ZNF142: variants seen among roughly 807,000 people sequenced by gnomAD.
The protein encoded by ZNF142 is zinc finger protein 142.
ZNF142 carries 96 observed loss-of-function variants against 132.1 expected under a neutral mutation model. The ratio of observed to expected loss-of-function variants is 0.73; its 90% CI spans 0.62 to 0.86. ZNF142 has a LOEUF of 0.86. Among genes scored for constraint, ZNF142 ranks in the 40% least tolerant of loss-of-function variants. ZNF142 has a pLI of 0.00. For missense variants in ZNF142, 2,163 were observed against 2,336.2 expected, an observed-to-expected ratio of 0.93 and a Z score of 1.53; for synonymous variants, 842 against 890.1, an observed-to-expected ratio of 0.95 and a Z score of 0.96.
Position 218,642,948 on chromosome 2 carries a change from G to T in ZNF142, c.4168C>A (p.Arg1390=). Residue 1390 remains arginine, a synonymous_variant, in exon 9 of 11, where the codon CGG becomes AGG. Transcript: ENST00000411696. This position sits in a 1 kb window ranked among gnomAD's most constrained non-coding sequence, Gnocchi z 4.6. ...CKQSRCMQQH[R]RLKHEGVKPH... The stretch of plus-strand genomic sequence containing the variant: ...TTCACCCCCTCGTGCTTGAGCCGCC[G>T]GTGCTGCTGCATGCAACGGCTCTGT... The T allele has an allele frequency of 5.6e-6, 9 of 1,613,698 alleles. No homozygotes were observed. The highest frequency in any genetic ancestry group is 7.6e-6 in the Non-Finnish European group (9 of 1,179,940).
chr2:218,651,221 A>C (rs1937957855), intron 5 of ZNF142, among the ~76,000 whole-genome samples: 1 of 152,132 alleles, frequency 6.6e-6, no homozygotes, highest in Non-Finnish European at 1.5e-5. Context: ...GGCTCAAGGG[A>C]TCCATCCACC....
Position 218,641,376 on chromosome 2 carries a change from C to T in ZNF142, c.5089-607G>A, listed in dbSNP as rs554555030. The stretch of plus-strand genomic sequence containing the variant: ...ATTCACCTGCCTCAGCCTCGAGTAG[C>T]TGGGACTACAGGTGCCCGCCACCAC... On this transcript the variant is annotated intron_variant, in intron 9 of 10. Transcript: ENST00000411696. Among the ~76,000 whole-genome samples, 446 of 151,722 alleles carry T rather than the reference C, an allele frequency of 2.9e-3. 2 individuals are homozygous for T. Among genetic ancestry groups the T allele is most frequent in the African/African-American group, 0.01 (429 of 41,328 alleles).
chr2:218,646,890 G>C (rs889752342), intron 7 of ZNF142, among the ~76,000 whole-genome samples: 5 of 151,588 alleles, frequency 3.3e-5, no homozygotes, highest in African/African-American at 4.8e-5. Context: ...CCCACCCCAA[G>C]CTTTTCAAAA....
At position 218,658,275 on chromosome 2, in the gene ZNF142, C is replaced by G. The variant is rs1456761397; in HGVS notation, c.-35+426G>C. Among the ~76,000 whole-genome samples, 3 of 152,208 alleles carry G rather than the reference C, an allele frequency of 2.0e-5. No individual in the cohort carries two copies. The East Asian group carries it at 5.8e-4, about 29-fold the overall frequency. On this transcript the variant is annotated intron_variant, in intron 3 of 10. Transcript: ENST00000411696. ...AGAAACCAGGCCGGGCGCGGTGGCT[C>G]AGGCCTGTAATCCCAGCACTTTGGG...
chr2:218,643,457 C>A lies in ZNF142; in HGVS notation c.3659G>T (p.Arg1220Leu). ...GCAGTGAAACTTGCCCTGCTCAAAG[C>A]GGTGCTTCTTCAGGGCCTCTGTGGG... is the stretch of plus-strand genomic sequence containing the variant. ...SSPTEALKKH[R>L]FEQGKFHCNS... The change falls in exon 9 of 11, where the codon CGC becomes CTC. Residue 1220 changes from arginine to leucine, a missense_variant. Physicochemically the swap from Arg to Leu is moderately radical, Grantham distance 102. This residue lies in a region of ZNF142 where 809 missense variants were observed against 801.7 expected (regional missense o/e 1.01). Transcript: ENST00000411696. The A allele has an allele frequency of 6.2e-7, 1 of 1,614,156 alleles. No individual in the cohort carries two copies. The highest frequency in any genetic ancestry group is 1.1e-5 in the South Asian group (1 of 91,076).
rs1697554972 is a variant in ZNF142, at chr2:218,644,480, A to G, written c.2636T>C (p.Leu879Pro). The G allele has an allele frequency of 1.2e-6, 2 of 1,613,858 alleles. No individual in the cohort carries two copies. The highest frequency in any genetic ancestry group is 8.5e-7 in the Non-Finnish European group (1 of 1,180,018). The change falls in exon 9 of 11, where the codon CTG becomes CCG. Residue 879 changes from leucine (L) to proline (P), a missense_variant. By Grantham distance (98) the Leu-to-Pro change is moderately conservative. Around this residue, in one of 7 missense-constraint regions of ZNF142, gnomAD observed 749 missense variants for 830.3 expected, o/e 0.90. Coordinates refer to ENST00000411696, the MANE Select transcript of ZNF142 (RefSeq NM_001379659.1). This position sits in a 1 kb window ranked among gnomAD's most constrained non-coding sequence, Gnocchi z 4.6. The stretch of plus-strand genomic sequence containing the variant: ...CTCTGCTGGGCTGGGACTGCCACCC[A>G]GGTCACCCCCATGGGGAGCCTCACT... The part of the protein sequence containing the change: ...EGSEAPHGGD[L>P]GGSPSPAEVE...
Position 218,644,619 on chromosome 2 carries a change from G to A in ZNF142, c.2497C>T (p.Leu833=). ...PPPDSEPSNQ[L]SARPEGPGHE... is the part of the protein sequence containing the mutation. ...CCTGGCCCCTCAGGTCGGGCTGACA[G>A]CTGGTTTGAGGGCTCTGAATCTGGT... The change falls in exon 9 of 11, where the codon CTG becomes TTG. Residue 833 remains leucine, a synonymous_variant. Coordinates refer to ENST00000411696, the MANE Select transcript of ZNF142 (RefSeq NM_001379659.1). This position sits in a 1 kb window ranked among gnomAD's most constrained non-coding sequence, Gnocchi z 4.6. 1 of 1,614,228 alleles carries A rather than the reference G, an allele frequency of 6.2e-7. No individual in the cohort carries two copies. Among genetic ancestry groups the A allele is most frequent in the Non-Finnish European group, 8.5e-7 (1 of 1,180,038 alleles).
chr2:218,639,020 G>T (rs975829706), intron 10 of ZNF142, among the ~76,000 whole-genome samples: 6 of 152,210 alleles, frequency 3.9e-5, no homozygotes, highest in Non-Finnish European at 7.3e-5. Flanking sequence ...TGCCCAGGCT[G>T]GAGTGCAATG....
In ZNF142 at chr2:218,636,073, C is replaced by T; in HGVS notation, c.*2266G>A. 6.9e-7 allele frequency: 1 copy of T among 1,447,590 alleles called. No homozygotes were observed. The highest frequency in any genetic ancestry group is 9.4e-7 in the Non-Finnish European group (1 of 1,062,018). 89.7% of individuals were successfully genotyped at this position (1,447,590 alleles called of 1,614,324 possible). On this transcript the variant is annotated 3_prime_UTR_variant, in exon 11 of 11. Coordinates refer to ENST00000411696, the MANE Select transcript of ZNF142 (RefSeq NM_001379659.1). ...TGGAACAGTACAAAGAATCCTGGCT[C>T]TTCACTTAAAAGCTCCAGTGACCTG...
intron 4 of ZNF142, among the ~76,000 whole-genome samples, chr2:218,653,596 G>C (rs1938221309): frequency 6.6e-6 from 1 of 151,030 alleles, no homozygotes; most frequent in African/African-American, 2.4e-5. Context: ...AAAAATTTCA[G>C]TGCAACATCT....
chr2:218,656,882 A>C (rs1176648988), intron 3 of ZNF142, among the ~76,000 whole-genome samples: 1 of 145,002 alleles, frequency 6.9e-6, no homozygotes, highest in East Asian at 2.0e-4. Flanking sequence ...CAGTGGCGTG[A>C]TCTTGGCTCA....
In ZNF142 at chr2:218,638,170, T is replaced by G. The variant is rs1426960832; in HGVS notation, c.*169A>C. On this transcript the variant is annotated 3_prime_UTR_variant, in exon 11 of 11. Coordinates refer to ENST00000411696, the MANE Select transcript of ZNF142 (RefSeq NM_001379659.1). ...TTATAGTCCATGTCCCTCTTTTATA[T>G]GGGTGATAATTTCAAAGTACTATAG... is the stretch of plus-strand genomic sequence containing the variant. 1 of 518,838 alleles carries G rather than the reference T, an allele frequency of 1.9e-6. No individual in the cohort carries two copies. The highest frequency in any genetic ancestry group is 2.0e-5 in the African/African-American group (1 of 50,962). The allele number at this position is 518,838 out of a possible 1,614,324, so 32.1% of individuals were successfully genotyped here.
In ZNF142 at chr2:218,636,004, A is replaced by G; in HGVS notation, c.*2335T>C. On this transcript the variant is annotated 3_prime_UTR_variant, in exon 11 of 11. Transcript: ENST00000411696. ...TTTTCCTTCTAGTCTGTCTTCCATT[A>G]AGTATAGCATCTGTTATTGCATGTC... 1 of 1,603,568 alleles carries G rather than the reference A, an allele frequency of 6.2e-7. No individual in the cohort carries two copies. The highest frequency in any genetic ancestry group is 1.1e-5 in the South Asian group (1 of 89,664).
chr2:218,636,596 A>C lies in ZNF142; in HGVS notation c.*1743T>G. The stretch of plus-strand genomic sequence containing the variant: ...GTCCTGAGGTGGGCATTTCACGGGA[A>C]GGGTTGGTGTGCTGGCTTTAGACGG... On this transcript the variant is annotated 3_prime_UTR_variant, in exon 11 of 11. Coordinates refer to ENST00000411696, the MANE Select transcript of ZNF142 (RefSeq NM_001379659.1). 6.2e-7 allele frequency: 1 copy of C among 1,609,878 alleles called. No homozygotes were observed. Among genetic ancestry groups the C allele is most frequent in the Non-Finnish European group, 8.5e-7 (1 of 1,176,430 alleles).
intron 7 of ZNF142, 124 bp downstream of exon 7, chr2:218,648,511 T>A (rs1433910780): frequency 6.6e-6 from 6 of 914,368 alleles, no homozygotes; most frequent in Middle Eastern, 3.2e-4. Context: ...ATTTGTAAAC[T>A]TGGAATGCTA....
chr2:218,634,144 G>C lies in ZNF142; in HGVS notation c.*4195C>G. The C allele has an allele frequency of 1.2e-6, 2 of 1,612,582 alleles. No individual in the cohort carries two copies. Among genetic ancestry groups the C allele is most frequent in the Non-Finnish European group, 1.7e-6 (2 of 1,179,324 alleles). ...CAGCACAATACTTGGCAGTTAAGCC[G>C]TGTGTATCCCAGCGGCCTGAGGACA... On this transcript the variant is annotated 3_prime_UTR_variant, in exon 11 of 11. Transcript: ENST00000411696. The surrounding 1 kb of genome is among the most constrained non-coding windows in gnomAD (Gnocchi z 4.0).
Position 218,649,168 on chromosome 2 carries a change from T to C in ZNF142, c.1340A>G (p.Asn447Ser). The change falls in exon 7 of 11, where the codon AAC (asparagine) becomes AGC (serine). Residue 447 changes from asparagine (N) to serine (S), a missense_variant. Asn to Ser is a conservative substitution (Grantham distance 46). Transcript: ENST00000411696. ...ACAGGCATAGGTGTCTGAGTAGAAG[T>C]TGGAAATATCTTCATGCATGCTGGC... ...HMASMHEDIS[N>S]FYSDTYACPV... is the part of the protein sequence containing the mutation. The C allele has an allele frequency of 1.2e-6, 2 of 1,614,170 alleles. No homozygotes were observed. The highest frequency in any genetic ancestry group is 4.5e-5 in the East Asian group (2 of 44,882).
At position 218,656,376 on chromosome 2, in the gene ZNF142, A is replaced by G. The variant is rs775795948; in HGVS notation, c.54T>C (p.Asp18=). The G allele has an allele frequency of 3.3e-6, 5 of 1,495,106 alleles. No homozygotes were observed. The South Asian group carries it at 5.6e-5, about 17-fold the overall frequency. 92.6% of individuals were successfully genotyped at this position (1,495,106 alleles called of 1,614,324 possible). A position where few individuals can be genotyped will look rare whatever the true frequency, so the allele number is the denominator to read the frequency against. The change falls in exon 4 of 11, where the codon GAT becomes GAC. Residue 18 remains aspartate, a synonymous_variant. Transcript: ENST00000411696. ...SQPASSTGEM[D]GLCPELLLIP... Reference sequence around the variant, plus strand: ...TCAGCAATAGCTCAGGGCACAGTCCATCCATCTCCCCGGTGCTACTGGCTG... The same window carrying G: ...TCAGCAATAGCTCAGGGCACAGTCCGTCCATCTCCCCGGTGCTACTGGCTG...
chr2:218,636,172 A>G lies in ZNF142; in HGVS notation c.*2167T>C. 1 of 1,520,300 alleles carries G rather than the reference A, an allele frequency of 6.6e-7. No individual in the cohort carries two copies. The highest frequency in any genetic ancestry group is 9.1e-7 in the Non-Finnish European group (1 of 1,100,204). 94.2% of individuals were successfully genotyped at this position (1,520,300 alleles called of 1,614,324 possible). Reference sequence around the variant, plus strand: ...TGATTGCCATCTAGATTAAATGAGAACACAAGAAAAGCAACCCAGTCAAGA... The same window carrying G: ...TGATTGCCATCTAGATTAAATGAGAGCACAAGAAAAGCAACCCAGTCAAGA... On this transcript the variant is annotated 3_prime_UTR_variant, in exon 11 of 11. Coordinates refer to ENST00000411696, the MANE Select transcript of ZNF142 (RefSeq NM_001379659.1).
Sources: allele counts gnomAD v4.1 joint callset (sites outside exome capture counted in the v4.1 genomes callset), GRCh38; gene constraint gnomAD v4.1.1; regional missense constraint gnomAD v4.1.1; non-coding constraint Gnocchi (gnomAD v3.1); transcripts MANE v1.5; gene names NCBI Gene and HGNC (gene_info 2026-07-23, HGNC 2026-07-21).